Variants in MACO1 observed in about 807,000 individuals in gnomAD.
The protein encoded by MACO1 is macoilin 1.
In MACO1, 14 loss-of-function variants were observed where a neutral mutation model predicts 78.7. The ratio of observed to expected loss-of-function variants is 0.18; its 90% CI spans 0.12 to 0.28. The LOEUF (loss-of-function observed/expected upper bound fraction) is 0.28. Among genes scored for constraint, MACO1 ranks in the 10% least tolerant of loss-of-function variants. The pLI, the probability that MACO1 is intolerant of heterozygous loss-of-function variation, is 1.00. For missense variants in MACO1, 501 were observed against 799.0 expected (o/e 0.63, Z 4.50); for synonymous variants, 288 against 291.6 (o/e 0.99, Z 0.12).
intron 3 of MACO1, among the ~76,000 whole-genome samples, chr1:25,449,753 T>A (rs1484520787): frequency 6.6e-6 from 1 of 152,208 alleles, no homozygotes; most frequent in Non-Finnish European, 1.5e-5. Flanking sequence ...GCGCAGTGGC[T>A]CACGCCTGTA....
rs1315411976 is a variant in MACO1, at chr1:25,430,967, G to C, written c.-132G>C. The C allele has an allele frequency of 8.0e-6, 4 of 500,972 alleles. No homozygotes were observed. The South Asian group carries it at 1.0e-4, about 13-fold the overall frequency. The allele number at this position is 500,972 out of a possible 1,614,324, so 31.0% of individuals were successfully genotyped here. A position where few individuals can be genotyped will look rare whatever the true frequency, so the allele number is the denominator to read the frequency against. ...TCCCCGTGCTACCCCCTCCCCCCGG[G>C]TGCTGGCTCCATGTCTGTGTGACCG... is the stretch of plus-strand genomic sequence containing the variant. On this transcript the variant is annotated 5_prime_UTR_variant, in exon 1 of 11. Transcript: ENST00000374343.
chr1:25,459,318 C>T (rs1486159360), intron 6 of MACO1, among the ~76,000 whole-genome samples: 1 of 151,970 alleles, frequency 6.6e-6, no homozygotes, highest in Non-Finnish European at 1.5e-5. Context: ...CTACTTTGTG[C>T]TTGTTTTGTT....
chr1:25,487,117 C>G (rs1179754325), intron 8 of MACO1, among the ~76,000 whole-genome samples: 1 of 152,090 alleles, frequency 6.6e-6, no homozygotes, highest in Admixed American at 6.5e-5. Flanking sequence ...GCTTATTTAT[C>G]TTATCCCTGG....
intron 6 of MACO1, among the ~76,000 whole-genome samples, chr1:25,466,667 A>G (rs1350832875): frequency 2.0e-5 from 3 of 152,116 alleles, no homozygotes; most frequent in Non-Finnish European, 4.4e-5. Context: ...GAGTTCTAAG[A>G]GTTCTTCGTA....
intron 6 of MACO1, among the ~76,000 whole-genome samples, chr1:25,470,107 A>G (rs1291357038): frequency 6.6e-6 from 1 of 152,250 alleles, no homozygotes; most frequent in African/African-American, 2.4e-5. Flanking sequence ...ATTTTTCATA[A>G]TCAGTGGATT....
chr1:25,448,938 A>C lies in MACO1; in HGVS notation c.349+4A>C. 7.0e-7 allele frequency: 1 copy of C among 1,435,398 alleles called. No individual in the cohort carries two copies. Among genetic ancestry groups the C allele is most frequent in the Middle Eastern group, 1.9e-4 (1 of 5,374 alleles). 88.9% of individuals were successfully genotyped at this position (1,435,398 alleles called of 1,614,324 possible). ...GTTCAGTACGTATGGCACACAGGTA[A>C]GTCTTAATGATTTCTTAGATGGATA... On this transcript the variant is annotated splice_donor_region_variant and intron_variant, in intron 3 of 10. Coordinates refer to ENST00000374343, the MANE Select transcript of MACO1 (RefSeq NM_018202.6).
chr1:25,456,534 A>G (rs1239933346), intron 4 of MACO1, 119 bp from the exon 5 acceptor site: 4 of 1,037,950 alleles, frequency 3.9e-6, no homozygotes, highest in Non-Finnish European at 4.2e-6. Flanking sequence ...GCTCTTCTCA[A>G]CTACCATCAT....
chr1:25,492,912 G>T (rs1477976506), intron 10 of MACO1, among the ~76,000 whole-genome samples: 4 of 152,196 alleles, frequency 2.6e-5, no homozygotes, highest in Admixed American at 2.0e-4. Context: ...ATGGTGGTTT[G>T]TGTCAGTGCC....
In MACO1 at chr1:25,457,927, A is replaced by G. The variant is rs1202911406; in HGVS notation, c.653-464A>G. Among the ~76,000 whole-genome samples the G allele has an allele frequency of 2.0e-5, 3 of 152,200 alleles. No homozygotes were observed. The East Asian group carries it at 5.8e-4, about 29-fold the overall frequency. ...AAAGGATAGATGTCCTGTATCCTAA[A>G]ATTATTCCTCTTCTTTTGTTTCATT... On this transcript the variant is annotated intron_variant, in intron 5 of 10. Coordinates refer to ENST00000374343, the MANE Select transcript of MACO1 (RefSeq NM_018202.6).
chr1:25,491,594 C>T lies in MACO1; in HGVS notation c.1792+10C>T, dbSNP rs375792439. ...CTCGAGATTGCCCAAGGTAGGAGAACGTGGGCCCCTGGTGAGGTGGTGTGA... is the reference window on the plus strand; with the variant it reads ...CTCGAGATTGCCCAAGGTAGGAGAATGTGGGCCCCTGGTGAGGTGGTGTGA... On this transcript the variant is annotated intron_variant, in intron 10 of 10. Coordinates refer to ENST00000374343, the MANE Select transcript of MACO1 (RefSeq NM_018202.6). 8.7e-6 allele frequency: 14 copies of T among 1,613,082 alleles called. No individual in the cohort carries two copies. Among genetic ancestry groups the T allele is most frequent in the Non-Finnish European group, 1.1e-5 (13 of 1,179,238 alleles).
chr1:25,440,344 G>T (rs1324841997), intron 1 of MACO1, among the ~76,000 whole-genome samples: 2 of 149,854 alleles, frequency 1.3e-5, no homozygotes, highest in Non-Finnish European at 3.0e-5. Flanking sequence ...TGAGGCTGCA[G>T]TGAACTATGA....
At chr1:25,450,341 G>A (rs1401969233) in intron 3 of MACO1, among the ~76,000 whole-genome samples, 2 of 152,100 alleles carry the variant, frequency 1.3e-5, no homozygotes, top group East Asian at 1.9e-4. Flanking sequence ...ACTTCTTAGA[G>A]CTATACTTCT....
chr1:25,441,654 C>T (rs995790865), intron 1 of MACO1, among the ~76,000 whole-genome samples: 4 of 152,172 alleles, frequency 2.6e-5, no homozygotes, highest in Non-Finnish European at 5.9e-5. Context: ...CATTGTGATT[C>T]AGTGTTCTTA....
intron 4 of MACO1, among the ~76,000 whole-genome samples, chr1:25,456,060 C>A (rs2043117267): frequency 6.6e-6 from 1 of 152,028 alleles, no homozygotes; most frequent in Non-Finnish European, 1.5e-5. Flanking sequence ...GAGATCGAGA[C>A]CATCCTGGCC....
intron 6 of MACO1, among the ~76,000 whole-genome samples, chr1:25,460,430 A>C (rs1321092466): frequency 6.9e-6 from 1 of 145,336 alleles, no homozygotes; most frequent in African/African-American, 2.5e-5. Context: ...TTGAGATAGG[A>C]TCTCACTGTT....
At chr1:25,476,039 A>G (rs1022569945) in intron 6 of MACO1, among the ~76,000 whole-genome samples, 4 of 152,202 alleles carry the variant, frequency 2.6e-5, no homozygotes, top group Non-Finnish European at 5.9e-5. Context: ...TACAACAGAC[A>G]AGCTTTTACA....
intron 2 of MACO1, among the ~76,000 whole-genome samples, chr1:25,447,861 G>A (rs1443043843): frequency 6.6e-6 from 1 of 152,182 alleles, no homozygotes; most frequent in Non-Finnish European, 1.5e-5. Flanking sequence ...TGTTAATTCT[G>A]TTGTGTTCTA....
chr1:25,441,502 A>T (rs1450864378), intron 1 of MACO1, among the ~76,000 whole-genome samples: 1 of 152,200 alleles, frequency 6.6e-6, no homozygotes, highest in Non-Finnish European at 1.5e-5. Flanking sequence ...ATATTTTTTG[A>T]GAAAAAAAAT....
chr1:25,476,078 A>C (rs1409175194), intron 6 of MACO1, among the ~76,000 whole-genome samples: 1 of 152,240 alleles, frequency 6.6e-6, no homozygotes, highest in African/African-American at 2.4e-5. Context: ...GACTGCTGAT[A>C]CACACTTGTC....
Sources: gnomAD v4.1 joint callset for allele counts (sites outside exome capture counted in the v4.1 genomes callset) on GRCh38, gnomAD v4.1.1 for gene constraint, MANE v1.5 for transcripts, NCBI Gene and HGNC (gene_info 2026-07-23, HGNC 2026-07-21) for gene names.